Variants in ERG observed in about 807,000 individuals in gnomAD.
The protein encoded by ERG is ETS transcription factor ERG.
ERG carries 9 observed loss-of-function variants against 55.3 expected under a neutral mutation model. The ratio of observed to expected loss-of-function variants is 0.16; its 90% CI spans 0.10 to 0.28. The LOEUF (loss-of-function observed/expected upper bound fraction) is 0.28. Among genes scored for constraint, ERG ranks in the 10% least tolerant of loss-of-function variants. The pLI, the probability that ERG is intolerant of heterozygous loss-of-function variation, is 1.00. For missense variants in ERG, 434 were observed against 631.6 expected (o/e 0.69, Z 3.35); for synonymous variants, 223 against 237.3 (o/e 0.94, Z 0.55).
intron 2 of ERG, among the ~76,000 whole-genome samples, chr21:38,546,483 A>G (rs937915840): frequency 1.3e-5 from 2 of 152,044 alleles, no homozygotes; most frequent in East Asian, 1.9e-4. Context: ...CACAATCACA[A>G]TATTTCCACA....
intron 1 of ERG, among the ~76,000 whole-genome samples, chr21:38,623,064 A>G (rs921148878): frequency 1.1e-4 from 16 of 149,434 alleles, no homozygotes; most frequent in Non-Finnish European, 2.1e-4. Context: ...CACATCATAC[A>G]TAAACCCCAC....
At chr21:38,604,254 A>C (rs866794058) in intron 1 of ERG, among the ~76,000 whole-genome samples, 6,968 of 148,864 alleles carry the variant, frequency 0.047, 487 homozygotes, top group African/African-American at 0.16. Flanking sequence ...ACTCCGTCAA[A>C]AAAAAAAAAA....
intron 2 of ERG, among the ~76,000 whole-genome samples, chr21:38,535,614 T>TTTG (rs1240344678): frequency 2.0e-5 from 3 of 152,188 alleles, no homozygotes; most frequent in Non-Finnish European, 4.4e-5. Flanking sequence ...CTGGGCAGCC[T>TTTG]GGAAGACCCA....
chr21:38,537,169 C>T (rs1382347353), intron 2 of ERG, among the ~76,000 whole-genome samples: 1 of 151,856 alleles, frequency 6.6e-6, no homozygotes, highest in Non-Finnish European at 1.5e-5. Context: ...AGAACAAAGA[C>T]CAAAAAATAA....
At position 38,445,602 on chromosome 21, in the gene ERG, C is replaced by T; in HGVS notation, c.38G>A (p.Ser13Asn). ...STIKEALSVV[S>N]EDQSLFECAY... ...ACACTCAAACAACGACTGGTCCTCACTCACAACTGATAAGGCTTCCTGAAT... is the reference window on the plus strand; with the variant it reads ...ACACTCAAACAACGACTGGTCCTCATTCACAACTGATAAGGCTTCCTGAAT... The change falls in exon 2 of 10, where the codon AGT (serine) becomes AAT (asparagine). Residue 13 changes from serine to asparagine, a missense_variant. Coordinates refer to ENST00000288319, the MANE Select transcript of ERG (RefSeq NM_182918.4). 6.2e-7 allele frequency: 1 copy of T among 1,614,082 alleles called. No individual in the cohort carries two copies. Among genetic ancestry groups the T allele is most frequent in the Non-Finnish European group, 8.5e-7 (1 of 1,179,998 alleles).
intron 1 of ERG, among the ~76,000 whole-genome samples, chr21:38,497,381 T>C (rs1313164003): frequency 1.3e-5 from 2 of 152,188 alleles, no homozygotes; most frequent in African/African-American, 2.4e-5. Flanking sequence ...ACTAAAGACA[T>C]GCAACAAACA....
chr21:38,607,574 C>CA (rs1351287292), intron 1 of ERG, among the ~76,000 whole-genome samples: 6 of 152,130 alleles, frequency 3.9e-5, no homozygotes, highest in Admixed American at 2.6e-4. Flanking sequence ...GCTGAGCTTG[C>CA]AGTGAGCCCA....
In ERG at chr21:38,383,613, C is replaced by T. The variant is rs776373328; in HGVS notation, c.1230G>A (p.Lys410=). 15 of 1,613,724 alleles carry T rather than the reference C, an allele frequency of 9.3e-6. No individual in the cohort carries two copies. The highest frequency in any genetic ancestry group is 8.0e-5 in the African/African-American group (6 of 74,814). Residue 410 remains lysine, a synonymous_variant, in exon 10 of 10, where the codon AAG becomes AAA. Transcript: ENST00000288319. The surrounding 1 kb of genome is among the most constrained non-coding windows in gnomAD (Gnocchi z 5.7). ...CCATGTACGGGAGGTCTGAGGGGTA[C>T]TTGTACAGAGATGACTCCGGGGGGT... The part of the protein sequence containing the change: ...QPHPPESSLY[K]YPSDLPYMGS...
intron 3 of ERG, among the ~76,000 whole-genome samples, chr21:38,419,440 G>C (rs977602370): frequency 5.9e-5 from 9 of 152,156 alleles, no homozygotes; most frequent in Non-Finnish European, 1.2e-4. Context: ...CATACTGCCT[G>C]ATGATACCTC....
At chr21:38,426,959 G>C (rs1373259811) in intron 2 of ERG, among the ~76,000 whole-genome samples, 1 of 152,122 alleles carries the variant, frequency 6.6e-6, no homozygotes, top group African/African-American at 2.4e-5. Flanking sequence ...AGAAACAGGG[G>C]ACATTGAGGA....
chr21:38,541,425 CT>C (rs2059751504), intron 2 of ERG, among the ~76,000 whole-genome samples: 1 of 152,300 alleles, frequency 6.6e-6, no homozygotes, highest in Middle Eastern at 3.4e-3. Flanking sequence ...TTATAATCTA[CT>C]TGATTACACT....
At chr21:38,481,245 A>G (rs1487405321) in intron 1 of ERG, among the ~76,000 whole-genome samples, 2 of 152,252 alleles carry the variant, frequency 1.3e-5, no homozygotes, top group East Asian at 1.9e-4. Flanking sequence ...TTTTAATCAC[A>G]TACATTGCCA....
chr21:38,481,499 G>A (rs2146650432), intron 1 of ERG, among the ~76,000 whole-genome samples: 1 of 152,300 alleles, frequency 6.6e-6, no homozygotes, highest in Non-Finnish European at 1.5e-5. Context: ...GGCTCACTAA[G>A]TTAAATAATA....
intron 2 of ERG, among the ~76,000 whole-genome samples, chr21:38,519,891 GC>G (rs779208679): frequency 8.5e-5 from 13 of 152,066 alleles, no homozygotes; most frequent in African/African-American, 2.2e-4. Context: ...CAGTTGAGAA[GC>G]CCTTTGCCAT....
At chr21:38,462,238 C>T (rs2059049956) in intron 1 of ERG, among the ~76,000 whole-genome samples, 1 of 152,182 alleles carries the variant, frequency 6.6e-6, no homozygotes, top group Non-Finnish European at 1.5e-5. Context: ...CTGCTTTGGC[C>T]TCCCAAAGTG....
At chr21:38,392,210 A>G (rs960549636) in intron 7 of ERG, 166 bp downstream of exon 7, 2 of 716,522 alleles carry the variant, frequency 2.8e-6, no homozygotes, top group Non-Finnish European at 5.0e-6. Flanking sequence ...CCAAATGGAG[A>G]AAGAATCACT....
intron 1 of ERG, among the ~76,000 whole-genome samples, chr21:38,492,984 AGTT>A (rs1269115083): frequency 2.0e-5 from 3 of 152,212 alleles, no homozygotes. Context: ...AAATATTCAG[AGTT>A]GTTATGGGTG....
At chr21:38,587,363 T>G (rs1411439338), upstream of ERG, among the ~76,000 whole-genome samples, 1 of 148,134 alleles carries the variant, frequency 6.8e-6, no homozygotes. Context: ...TGCAAATCTT[T>G]TTTTTTTTTT....
intron 1 of ERG, among the ~76,000 whole-genome samples, chr21:38,490,295 A>G (rs1243249782): frequency 6.6e-6 from 1 of 152,186 alleles, no homozygotes; most frequent in African/African-American, 2.4e-5. Context: ...AGATTCCCTG[A>G]TTTTAGTCTT....
Sources: gnomAD v4.1 joint callset for allele counts (sites outside exome capture counted in the v4.1 genomes callset) on GRCh38, gnomAD v4.1.1 for gene constraint, Gnocchi (gnomAD v3.1) non-coding constraint, MANE v1.5 for transcripts, NCBI Gene and HGNC (gene_info 2026-07-23, HGNC 2026-07-21) for gene names.